Variants in NCKAP5 observed in about 807,000 individuals in gnomAD.
The protein encoded by NCKAP5 is nck-associated protein 5.
A neutral mutation model predicts 167.0 loss-of-function variants in NCKAP5; 92 were observed. That is an observed-to-expected ratio of 0.55 (90% confidence interval 0.47 to 0.66). NCKAP5 has a LOEUF of 0.66. Among genes scored for constraint, NCKAP5 ranks in the 30% least tolerant of loss-of-function variants. The pLI is 0.00. For synonymous variants in NCKAP5, 891 were observed against 877.4 expected (o/e 1.02, Z -0.27); for missense variants, 2,378 against 2,315.0 (o/e 1.03, Z -0.56).
At chr2:132,739,349 A>T (rs982672160) in intron 16 of NCKAP5, among the ~76,000 whole-genome samples, 2 of 152,194 alleles carry the variant, frequency 1.3e-5, no homozygotes, top group African/African-American at 4.8e-5. Context: ...AGGAAACCTG[A>T]CTTTAGTTCT....
intron 3 of NCKAP5, among the ~76,000 whole-genome samples, chr2:133,390,294 T>G (rs571489198): frequency 2.3e-4 from 35 of 152,272 alleles, no homozygotes; most frequent in African/African-American, 8.4e-4. Context: ...GAAACTATTT[T>G]AGCCTCTGGG....
At chr2:133,330,397 GTT>G (rs796073785) in intron 3 of NCKAP5, among the ~76,000 whole-genome samples, 3 of 127,152 alleles carry the variant, frequency 2.4e-5, no homozygotes, top group African/African-American at 8.5e-5. Flanking sequence ...CATTGTTTTT[GTT>G]TTTTTTTTTT....
chr2:132,831,845 A>G (rs1466222228), intron 11 of NCKAP5, among the ~76,000 whole-genome samples: 1 of 152,104 alleles, frequency 6.6e-6, no homozygotes, highest in Non-Finnish European at 1.5e-5. Flanking sequence ...TTTTATATGT[A>G]ATATATTAAT....
intron 6 of NCKAP5, among the ~76,000 whole-genome samples, chr2:133,019,699 G>A (rs1293901132): frequency 6.6e-6 from 1 of 152,118 alleles, no homozygotes; most frequent in Non-Finnish European, 1.5e-5. Context: ...AATCATATTA[G>A]AAAAGTGGAG....
intron 4 of NCKAP5, among the ~76,000 whole-genome samples, chr2:133,282,950 C>T (rs1289906123): frequency 2.6e-5 from 4 of 152,162 alleles, no homozygotes; most frequent in Admixed American, 6.5e-5. Flanking sequence ...GACTGTTGGA[C>T]ACCAAGGAGA....
chr2:133,580,497 C>A, the NCKAP5 span, among the ~76,000 whole-genome samples: 1 of 152,122 alleles, frequency 6.6e-6, no homozygotes, highest in Non-Finnish European at 1.5e-5. Flanking sequence ...AAGAAATGGA[C>A]AGCTTTAATA....
intron 3 of NCKAP5, among the ~76,000 whole-genome samples, chr2:133,387,272 C>G (rs532522542): frequency 6.6e-6 from 1 of 152,140 alleles, no homozygotes; most frequent in African/African-American, 2.4e-5. Context: ...AGTTGCTTGT[C>G]TGTAAAGGAT....
intron 5 of NCKAP5, among the ~76,000 whole-genome samples, chr2:133,180,777 T>C (rs186681537): frequency 3.3e-4 from 50 of 152,320 alleles, no homozygotes; most frequent in African/African-American, 1.1e-3. Flanking sequence ...TTCCTTGATA[T>C]TGGTTTGGCA....
chr2:132,884,579 AT>A (rs1692062962), intron 8 of NCKAP5, among the ~76,000 whole-genome samples: 1 of 152,222 alleles, frequency 6.6e-6, no homozygotes, highest in Admixed American at 6.5e-5. Context: ...TCTAAAAGCG[AT>A]TTCCAGTTCA....
intron 3 of NCKAP5, among the ~76,000 whole-genome samples, chr2:133,506,192 C>T (rs547514053): frequency 6.6e-4 from 101 of 152,290 alleles, no homozygotes; most frequent in African/African-American, 2.3e-3. Context: ...TTACATGGAA[C>T]TTGTGTTCTG....
At chr2:133,274,783 G>GAAA (rs35506573) in intron 4 of NCKAP5, among the ~76,000 whole-genome samples, 2 of 146,040 alleles carry the variant, frequency 1.4e-5, no homozygotes, top group South Asian at 4.3e-4. Flanking sequence ...TGTGATAATG[G>GAAA]AAAAAAAAAA....
the NCKAP5 span, among the ~76,000 whole-genome samples, chr2:133,640,913 C>T: frequency 6.6e-6 from 1 of 152,156 alleles, no homozygotes; most frequent in Non-Finnish European, 1.5e-5. Context: ...CCTAAGAATC[C>T]ATGACATACT....
chr2:132,811,390 G>A (rs1423610807), intron 11 of NCKAP5, among the ~76,000 whole-genome samples: 1 of 152,088 alleles, frequency 6.6e-6, no homozygotes, highest in Non-Finnish European at 1.5e-5. Flanking sequence ...CCATCAAGTG[G>A]GGGTGGGGCT....
chr2:132,781,654 C>G (rs1339026451), intron 14 of NCKAP5, among the ~76,000 whole-genome samples: 2 of 152,090 alleles, frequency 1.3e-5, no homozygotes, highest in East Asian at 3.9e-4. Context: ...ATTCATAGCT[C>G]CTAGTGTAGG....
chr2:132,961,183 A>T (rs2076500494), intron 8 of NCKAP5, among the ~76,000 whole-genome samples: 1 of 152,110 alleles, frequency 6.6e-6, no homozygotes, highest in South Asian at 2.1e-4. Context: ...CTATTTTCCT[A>T]CAATAATGTT....
At chr2:133,186,410 G>A (rs563027173) in intron 5 of NCKAP5, among the ~76,000 whole-genome samples, 5 of 151,896 alleles carry the variant, frequency 3.3e-5, no homozygotes, top group South Asian at 2.1e-4. Context: ...ATCGGCCTGC[G>A]GTTTTCTGTT....
chr2:133,145,803 A>G (rs1325537899), intron 5 of NCKAP5, among the ~76,000 whole-genome samples: 1 of 152,104 alleles, frequency 6.6e-6, no homozygotes. Context: ...AGGCATTGAC[A>G]AACAACTCTG....
chr2:133,612,920 T>C, the NCKAP5 span, among the ~76,000 whole-genome samples: 2 of 152,150 alleles, frequency 1.3e-5, no homozygotes, highest in Non-Finnish European at 2.9e-5. Flanking sequence ...CATTGGTAAG[T>C]AGCAGGCATT....
chr2:132,852,275 G>T (rs1839003), intron 11 of NCKAP5, among the ~76,000 whole-genome samples: 25,045 of 152,166 alleles, frequency 0.16, 2,495 homozygotes, highest in East Asian at 0.31. Context: ...TCGCCTGAAT[G>T]TTTCATGCTA....
Sources: gnomAD v4.1 joint callset for allele counts (sites outside exome capture counted in the v4.1 genomes callset) on GRCh38, gnomAD v4.1.1 for gene constraint, MANE v1.5 for transcripts, NCBI Gene and HGNC (gene_info 2026-07-23, HGNC 2026-07-21) for gene names.